Variants in PNPLA7 observed in about 807,000 individuals in gnomAD.
PNPLA7 encodes the protein patatin-like phospholipase domain-containing protein 7.
A neutral mutation model predicts 161.7 loss-of-function variants in PNPLA7; 153 were observed. The ratio of observed to expected loss-of-function variants is 0.95; its 90% CI spans 0.83 to 1.08. PNPLA7 has a LOEUF of 1.08. PNPLA7 is among the 50% of genes least tolerant of loss of function. The pLI is 0.00. For synonymous variants in PNPLA7, 809 were observed against 782.1 expected (o/e 1.03, Z -0.57); for missense variants, 1,739 against 1,856.6 (o/e 0.94, Z 1.16).
At chr9:137,495,553 C>T (rs10867088) in intron 18 of PNPLA7, among the ~76,000 whole-genome samples, 75,860 of 151,388 alleles carry the variant, frequency 0.5, 19,206 homozygotes, top group East Asian at 0.64. Flanking sequence ...ACGCCATTCT[C>T]CTGCCTCAGC....
Position 137,520,023 on chromosome 9 carries a change from G to C in PNPLA7, c.978C>G (p.Leu326=). 1 of 1,612,560 alleles carries C rather than the reference G, an allele frequency of 6.2e-7. No individual in the cohort carries two copies. Among genetic ancestry groups the C allele is most frequent in the Non-Finnish European group, 8.5e-7 (1 of 1,179,910 alleles). The change falls in exon 11 of 35, where the codon CTC becomes CTG. Residue 326 remains leucine (L), a synonymous_variant. Coordinates refer to ENST00000406427, the MANE Select transcript of PNPLA7 (RefSeq NM_001098537.3). This position sits in a 1 kb window ranked among gnomAD's most constrained non-coding sequence, Gnocchi z 5.2. ...LFNAESQAIP[L]VSVASVAAGK... ...CGGCAGCCACACTGGCTACAGACAC[G>C]AGAGGGATGGCCTGGCTCTCCTGGG...
intron 29 of PNPLA7, 145 bp from the exon 30 acceptor site, chr9:137,462,978 T>A: frequency 2.6e-6 from 3 of 1,134,618 alleles, no homozygotes; most frequent in Non-Finnish European, 3.7e-6. Flanking sequence ...AAGACCCACA[T>A]GCCCAGCTCG....
rs1406369417 is a variant in PNPLA7, at chr9:137,523,882, G to A, written c.748-1025C>T. On this transcript the variant is annotated intron_variant, in intron 8 of 34. Coordinates refer to ENST00000406427, the MANE Select transcript of PNPLA7 (RefSeq NM_001098537.3). This position sits in a 1 kb window ranked among gnomAD's most constrained non-coding sequence, Gnocchi z 4.4. ...CCTGACCTCGTGATCCGCCCACCTCGGCCTCCCAAAGTGCTGGGATTACCG... is the reference window on the plus strand; with the variant it reads ...CCTGACCTCGTGATCCGCCCACCTCAGCCTCCCAAAGTGCTGGGATTACCG... Among the ~76,000 whole-genome samples, 1 of 151,832 alleles carries A rather than the reference G, an allele frequency of 6.6e-6. No individual in the cohort carries two copies. The highest frequency in any genetic ancestry group is 1.5e-5 in the Non-Finnish European group (1 of 67,956).
rs1831371321 is a variant in PNPLA7 at position 137,464,424 on chromosome 9, G to A, written c.3072C>T (p.Asp1024=). ...GMTSLMKAAL[D]LTYPITSMFS... Reference sequence around the variant, plus strand: ...ACATGGACGTGATGGGGTAGGTGAGGTCCAGCGCGGCCTTCATCAAGGACG... The same window carrying A: ...ACATGGACGTGATGGGGTAGGTGAGATCCAGCGCGGCCTTCATCAAGGACG... Residue 1024 remains aspartate (D), a synonymous_variant, in exon 27 of 35, where the codon GAC becomes GAT. Coordinates refer to ENST00000406427, the MANE Select transcript of PNPLA7 (RefSeq NM_001098537.3). 1 of 1,613,778 alleles carries A rather than the reference G, an allele frequency of 6.2e-7. No individual in the cohort carries two copies. The highest frequency in any genetic ancestry group is 1.7e-5 in the Admixed American group (1 of 60,010).
intron 23 of PNPLA7, 31 bp from the exon 24 acceptor site, chr9:137,479,269 C>G (rs376642726): frequency 4.7e-6 from 7 of 1,493,588 alleles, no homozygotes; most frequent in Non-Finnish European, 6.3e-6. Context: ...GTCTGCCAGC[C>G]GGGTGAGCCT....
Position 137,500,472 on chromosome 9 carries a change from G to A in PNPLA7, c.1757+219C>T, listed in dbSNP as rs1166305428. Among the ~76,000 whole-genome samples the A allele has an allele frequency of 1.3e-5, 2 of 152,244 alleles. No homozygotes were observed. The highest frequency in any genetic ancestry group is 2.9e-5 in the Non-Finnish European group (2 of 68,046). ...CAGCTGGGACCAGACCACAGAGACG[G>A]CCGTGCGAAGCTGATCGCTGCGGGC... On this transcript the variant is annotated intron_variant, in intron 16 of 34. Coordinates refer to ENST00000406427, the MANE Select transcript of PNPLA7 (RefSeq NM_001098537.3). The surrounding 1 kb of genome is among the most constrained non-coding windows in gnomAD (Gnocchi z 5.5).
rs527346398 is a variant in PNPLA7 at position 137,471,113 on chromosome 9, A to G, written c.2883-3640T>C. 1.3e-4 allele frequency among the ~76,000 whole-genome samples: 20 copies of G among 152,384 alleles called. 1 individual carries two copies. Among genetic ancestry groups the G allele is most frequent in the African/African-American group, 4.8e-4 (20 of 41,590 alleles). ...AGAAACAGAAAGAACGTACATATGC[A>G]TATTGTACAGGAAGAGAAAATACTG... On this transcript the variant is annotated intron_variant, in intron 25 of 34. Transcript: ENST00000406427.
At chr9:137,475,585 AG>A (rs1470928287) in intron 25 of PNPLA7, among the ~76,000 whole-genome samples, 9 of 152,170 alleles carry the variant, frequency 5.9e-5, no homozygotes, top group African/African-American at 1.7e-4. Context: ...CATGTTAGCC[AG>A]GCTGCTCTCA....
intron 7 of PNPLA7, 103 bp downstream of exon 7, chr9:137,542,539 A>T: frequency 7.7e-7 from 1 of 1,293,094 alleles, no homozygotes; most frequent in Non-Finnish European, 1.0e-6. Flanking sequence ...TAAAATCAAA[A>T]TTTTGCCTAG....
At chr9:137,487,328 G>C (rs989850768) in intron 20 of PNPLA7, among the ~76,000 whole-genome samples, 2 of 152,268 alleles carry the variant, frequency 1.3e-5, no homozygotes, top group Admixed American at 6.5e-5. Flanking sequence ...GCCCTGGTCG[G>C]GATAAGCGCT....
At chr9:137,504,167 C>T (rs1032997654) in intron 14 of PNPLA7, among the ~76,000 whole-genome samples, 11 of 109,298 alleles carry the variant, frequency 1.0e-4, no homozygotes, top group Middle Eastern at 0.012. Flanking sequence ...GAGAAGAAGA[C>T]GGAAGAAGAA....
At position 137,499,342 on chromosome 9, in the gene PNPLA7, G is replaced by A. The variant is rs111581598; in HGVS notation, c.1758-1097C>T. Among the ~76,000 whole-genome samples, 152 of 151,766 alleles carry A rather than the reference G, an allele frequency of 1.0e-3. 3 individuals carry two copies. The highest frequency in any genetic ancestry group is 3.5e-3 in the African/African-American group (144 of 41,378). On this transcript the variant is annotated intron_variant, in intron 16 of 34. Transcript: ENST00000406427. The surrounding 1 kb of genome is among the most constrained non-coding windows in gnomAD (Gnocchi z 5.5). ...CACACAGAGACACACGCAGACACAC[G>A]ACACACGCAGACACACAGATAGACA...
chr9:137,503,643 AGGG>A (rs765748540), intron 14 of PNPLA7, among the ~76,000 whole-genome samples: 6 of 126,626 alleles, frequency 4.7e-5, no homozygotes, highest in African/African-American at 1.2e-4. Flanking sequence ...GAGAAGGAGA[AGGG>A]GGAGGAAGAA....
At chr9:137,473,323 C>G (rs1283583678) in intron 25 of PNPLA7, among the ~76,000 whole-genome samples, 1 of 152,056 alleles carries the variant, frequency 6.6e-6, no homozygotes, top group East Asian at 1.9e-4. Flanking sequence ...TCATGAAAAT[C>G]AATTTGAGGT....
chr9:137,474,818 C>G (rs1831865091), intron 25 of PNPLA7, among the ~76,000 whole-genome samples: 1 of 148,770 alleles, frequency 6.7e-6, no homozygotes, highest in South Asian at 2.1e-4. Context: ...CGAGCCCATC[C>G]TGGTTAACAC....
At chr9:137,545,771 G>A (rs1032757395) in intron 4 of PNPLA7, among the ~76,000 whole-genome samples, 2 of 152,206 alleles carry the variant, frequency 1.3e-5, no homozygotes, top group Admixed American at 6.5e-5. Flanking sequence ...AGACAAGAGT[G>A]CGAGCCTTCT....
intron 12 of PNPLA7, among the ~76,000 whole-genome samples, chr9:137,514,564 G>A (rs1277632067): frequency 7.0e-6 from 1 of 142,874 alleles, no homozygotes. Flanking sequence ...TGAGGTGCCC[G>A]GGCCCTGTGG....
In PNPLA7 at chr9:137,486,790, C is replaced by G. The variant is rs1007485439; in HGVS notation, c.2198-2054G>C. Among the ~76,000 whole-genome samples, 1 of 151,566 alleles carries G rather than the reference C, an allele frequency of 6.6e-6. No homozygotes were observed. The highest frequency in any genetic ancestry group is 1.5e-5 in the Non-Finnish European group (1 of 68,020). On this transcript the variant is annotated intron_variant, in intron 20 of 34. Coordinates refer to ENST00000406427, the MANE Select transcript of PNPLA7 (RefSeq NM_001098537.3). The surrounding 1 kb of genome is among the most constrained non-coding windows in gnomAD (Gnocchi z 6.0). Reference sequence around the variant, plus strand: ...CTGGCCTTCGACGCCCAAGTCTGCCCGGAGCCTTTTTTGCTCAAAGCCCCT... The same window carrying G: ...CTGGCCTTCGACGCCCAAGTCTGCCGGGAGCCTTTTTTGCTCAAAGCCCCT...
intron 25 of PNPLA7, among the ~76,000 whole-genome samples, chr9:137,474,728 G>A (rs1831859564): frequency 6.6e-6 from 1 of 151,962 alleles, no homozygotes; most frequent in Non-Finnish European, 1.5e-5. Flanking sequence ...GAAGCTCCAG[G>A]AAGGCTGGGC....
Sources: allele counts gnomAD v4.1 joint callset (sites outside exome capture counted in the v4.1 genomes callset), GRCh38; gene constraint gnomAD v4.1.1; non-coding constraint Gnocchi (gnomAD v3.1); transcripts MANE v1.5; gene names NCBI Gene and HGNC (gene_info 2026-07-23, HGNC 2026-07-21).